Variants in ANKS1A observed in about 807,000 individuals in gnomAD.
ANKS1A encodes the protein ankyrin repeat and SAM domain-containing protein 1A.
Under a neutral mutation model 120.3 loss-of-function variants are expected in ANKS1A, and 55 were observed. The observed-to-expected ratio is 0.46, with a 90% CI of 0.37 to 0.57. The LOEUF (loss-of-function observed/expected upper bound fraction) is 0.57, where lower values mean the gene tolerates loss of function less well. Among genes scored for constraint, ANKS1A ranks in the 20% least tolerant of loss-of-function variants. The pLI is 0.00. For synonymous variants in ANKS1A, 590 were observed against 604.7 expected (o/e 0.98, Z 0.36); for missense variants, 1,123 against 1,480.3 (o/e 0.76, Z 3.96).
chr6:35,097,929 T>C, the ANKS1A span, among the ~76,000 whole-genome samples: 1 of 152,196 alleles, frequency 6.6e-6, no homozygotes, highest in Non-Finnish European at 1.5e-5. Context: ...ACTGGATTAG[T>C]TATTGGAGCA....
At chr6:34,918,078 C>T (rs1015419417) in intron 1 of ANKS1A, among the ~76,000 whole-genome samples, 1 of 152,192 alleles carries the variant, frequency 6.6e-6, no homozygotes, top group African/African-American at 2.4e-5. Flanking sequence ...TAGGACCAGA[C>T]CCTGCTAGTT....
rs571489304 is a variant in ANKS1A at position 35,028,290 on chromosome 6, G to A, written c.2010+10231G>A. 2.6e-4 allele frequency among the ~76,000 whole-genome samples: 40 copies of A among 152,300 alleles called. No homozygotes were observed. The South Asian group carries it at 7.5e-3, about 28-fold the overall frequency. ...GGGCCAAAGGACAGTGAAGAGTGCCGTGGAACTTGGGTGCAGTGGCAGAGG... is the reference window on the plus strand; with the variant it reads ...GGGCCAAAGGACAGTGAAGAGTGCCATGGAACTTGGGTGCAGTGGCAGAGG... On this transcript the variant is annotated intron_variant, in intron 11 of 23. Transcript: ENST00000360359.
chr6:35,064,350 G>A (rs1776658289), intron 13 of ANKS1A, among the ~76,000 whole-genome samples: 4 of 152,206 alleles, frequency 2.6e-5, no homozygotes, highest in Admixed American at 6.5e-5. Context: ...CGGCCAGGCC[G>A]GATGGGAGGC....
At position 35,089,408 on chromosome 6, in the gene ANKS1A, C is replaced by T. The variant is rs891380240; in HGVS notation, c.*799C>T. ...TTACCTGTCAGTGATCGGAGCACTG[C>T]CCTGGGCTGGCCGGCGCCGTACTGC... is the stretch of plus-strand genomic sequence containing the variant. On this transcript the variant is annotated 3_prime_UTR_variant, in exon 24 of 24. Transcript: ENST00000360359. The T allele has an allele frequency of 2.0e-6, 2 of 986,844 alleles. No individual in the cohort carries two copies. Among genetic ancestry groups the T allele is most frequent in the African/African-American group, 1.7e-5 (1 of 57,242 alleles). 61.1% of individuals were successfully genotyped at this position (986,844 alleles called of 1,614,324 possible). A position where few individuals can be genotyped will look rare whatever the true frequency, so the allele number is the denominator to read the frequency against.
chr6:34,988,054 G>C (rs576968675), intron 8 of ANKS1A, among the ~76,000 whole-genome samples: 6 of 152,324 alleles, frequency 3.9e-5, no homozygotes, highest in African/African-American at 1.4e-4. Context: ...GTGTCTTCCT[G>C]AAATTGTTTA....
intron 11 of ANKS1A, among the ~76,000 whole-genome samples, chr6:35,035,075 C>T (rs1362303011): frequency 6.6e-6 from 1 of 152,244 alleles, no homozygotes; most frequent in Non-Finnish European, 1.5e-5. Flanking sequence ...TGGCTGGCCT[C>T]CCTGGAGCCC....
Position 34,983,429 on chromosome 6 carries a change from A to T in ANKS1A, c.1012+4A>T. On this transcript the variant is annotated splice_donor_region_variant and intron_variant, in intron 7 of 23. Transcript: ENST00000360359. ...TCCATATCACAGAAGTCTCAGGGTA[A>T]GGTAACTCTCCCCTATGAGTAAAGG... is the stretch of plus-strand genomic sequence containing the variant. The T allele has an allele frequency of 6.2e-7, 1 of 1,610,594 alleles. No homozygotes were observed. Among genetic ancestry groups the T allele is most frequent in the Non-Finnish European group, 8.5e-7 (1 of 1,177,984 alleles).
At chr6:35,093,397 C>G (rs1778365743), downstream of ANKS1A, among the ~76,000 whole-genome samples, 1 of 151,922 alleles carries the variant, frequency 6.6e-6, no homozygotes, top group South Asian at 2.1e-4. Context: ...AAACTCAAAG[C>G]TAGAAGAAAA....
intron 10 of ANKS1A, among the ~76,000 whole-genome samples, chr6:35,013,782 A>G (rs1235681465): frequency 4.6e-5 from 7 of 152,202 alleles, no homozygotes; most frequent in African/African-American, 1.7e-4. Flanking sequence ...AAGGTAATGA[A>G]TGCTTGTGAA....
At chr6:35,073,138 G>T (rs1445549166) in intron 13 of ANKS1A, among the ~76,000 whole-genome samples, 2 of 152,192 alleles carry the variant, frequency 1.3e-5, no homozygotes, top group Non-Finnish European at 2.9e-5. Context: ...CTGGACTGTG[G>T]TCAGAACTCA....
chr6:35,055,561 C>T (rs1776182799), intron 12 of ANKS1A, among the ~76,000 whole-genome samples: 1 of 152,178 alleles, frequency 6.6e-6, no homozygotes, highest in South Asian at 2.1e-4. Context: ...AACTCCTGAC[C>T]TCGTGATCCG....
intron 1 of ANKS1A, among the ~76,000 whole-genome samples, chr6:34,900,815 CTT>C (rs1250039894): frequency 2.6e-5 from 4 of 151,724 alleles, no homozygotes; most frequent in African/African-American, 7.3e-5. Flanking sequence ...TTTGGGAAGA[CTT>C]TGACTACATA....
At chr6:34,935,569 C>T (rs1384887651) in intron 1 of ANKS1A, among the ~76,000 whole-genome samples, 4 of 152,160 alleles carry the variant, frequency 2.6e-5, no homozygotes, top group Admixed American at 2.6e-4. Flanking sequence ...GCTCCCTTTC[C>T]GGTAGCTTTA....
rs1311338870 is a variant in ANKS1A at position 34,994,351 on chromosome 6, A to G, written c.1352A>G (p.Asp451Gly). The G allele has an allele frequency of 1.9e-6, 3 of 1,613,804 alleles. No individual in the cohort carries two copies. The highest frequency in any genetic ancestry group is 2.5e-6 in the Non-Finnish European group (3 of 1,179,742). The change falls in exon 10 of 24, where the codon GAC becomes GGC. Residue 451 changes from aspartate to glycine, a missense_variant. Asp to Gly is a moderately conservative substitution (Grantham distance 94, BLOSUM62 -1). Transcript: ENST00000360359. ...CATGGGAGTGCAGCCCGGGAAGAAG[A>G]CGAACACCCTTATGAACTGTTGTTA... Reference protein sequence around the residue: ...RIHGSAAREEDEHPYELLLTA... With the variant: ...RIHGSAAREEGEHPYELLLTA...
chr6:35,045,102 C>T (rs1238953325), intron 11 of ANKS1A, among the ~76,000 whole-genome samples: 3 of 152,218 alleles, frequency 2.0e-5, no homozygotes, highest in African/African-American at 7.2e-5. Context: ...TCCATGCTTA[C>T]AGCAGCAATA....
At chr6:35,026,390 A>G (rs1216138854) in intron 11 of ANKS1A, among the ~76,000 whole-genome samples, 2 of 152,238 alleles carry the variant, frequency 1.3e-5, no homozygotes, top group African/African-American at 4.8e-5. Context: ...GTAGGCTGTA[A>G]GTGCTGGGGA....
chr6:35,077,955 T>G (rs1777455943), intron 13 of ANKS1A, among the ~76,000 whole-genome samples: 1 of 152,218 alleles, frequency 6.6e-6, no homozygotes, highest in South Asian at 2.1e-4. Context: ...GGGCGCTCCG[T>G]GTGCCTCTCC....
At chr6:35,013,862 A>C (rs1283283740) in intron 10 of ANKS1A, among the ~76,000 whole-genome samples, 1 of 152,248 alleles carries the variant, frequency 6.6e-6, no homozygotes, top group Non-Finnish European at 1.5e-5. Flanking sequence ...ACCTGTGAGG[A>C]ACGGAGAAGT....
intron 11 of ANKS1A, among the ~76,000 whole-genome samples, chr6:35,037,964 C>G (rs1392087924): frequency 6.6e-6 from 1 of 151,872 alleles, no homozygotes; most frequent in Non-Finnish European, 1.5e-5. Flanking sequence ...AGAGTCTGGG[C>G]CAGGGAGAGG....
Sources: gnomAD v4.1 joint callset for allele counts (sites outside exome capture counted in the v4.1 genomes callset) on GRCh38, gnomAD v4.1.1 for gene constraint, MANE v1.5 for transcripts, NCBI Gene and HGNC (gene_info 2026-07-23, HGNC 2026-07-21) for gene names.